The following MMS19 variants were observed in gnomAD, a reference collection of about 807,000 sequenced individuals.
The protein encoded by MMS19 is MMS19 nucleotide excision repair protein homolog.
In MMS19, 77 loss-of-function variants were observed where a neutral mutation model predicts 129.8. The observed-to-expected ratio is 0.59, with a 90% CI of 0.49 to 0.72. MMS19 has a LOEUF of 0.72. Among genes scored for constraint, MMS19 ranks in the 30% least tolerant of loss-of-function variants. MMS19 has a pLI of 0.00. For missense variants in MMS19, 1,168 were observed against 1,266.3 expected, an observed-to-expected ratio of 0.92 and a Z score of 1.18; for synonymous variants, 491 against 502.8, an observed-to-expected ratio of 0.98 and a Z score of 0.31.
intron 8 of MMS19, among the ~76,000 whole-genome samples, chr10:97,475,107 A>T (rs1189082385): frequency 6.6e-6 from 1 of 152,244 alleles, no homozygotes; most frequent in Non-Finnish European, 1.5e-5. Context: ...TTTCCGGCCA[A>T]AGGAATATTA....
Position 97,459,415 on chromosome 10 carries a change from GAA to G in MMS19, c.2849_2850del (p.Leu950ProfsTer15). 6.2e-7 allele frequency: 1 copy of G among 1,607,512 alleles called. No homozygotes were observed. The highest frequency in any genetic ancestry group is 8.5e-7 in the Non-Finnish European group (1 of 1,176,978). On this transcript the variant is annotated frameshift_variant, in exon 28 of 31. Transcript: ENST00000438925. LOFTEE classifies it high-confidence loss of function. Reference sequence around the variant, plus strand: ...AACTTGGTGACGAGGGTGTCCACGTGAAGACTCATGACTTGGGGTGCTTCCAG... The same window carrying G: ...AACTTGGTGACGAGGGTGTCCACGTGGACTCATGACTTGGGGTGCTTCCAG... ...LLLEAPQVMS[L>X]HVDTLVTKFL...
In MMS19 at chr10:97,461,620, C is replaced by T. The variant is rs1328647548; in HGVS notation, c.2187G>A (p.Val729=). 6.3e-7 allele frequency: 1 copy of T among 1,597,722 alleles called. No individual in the cohort carries two copies. Among genetic ancestry groups the T allele is most frequent in the Non-Finnish European group, 8.5e-7 (1 of 1,172,070 alleles). ...TGAGTTGGTTCAGCTGAGGGATTTC[C>T]ACCTACAGAAAACCTGGCCATGTAA... ...MAFVCSLPRN[V]EIPQLNQLMR... Residue 729 remains valine (V), a splice_region_variant and synonymous_variant, in exon 23 of 31, where the codon GTG becomes GTA. Coordinates refer to ENST00000438925, the MANE Select transcript of MMS19 (RefSeq NM_022362.5).
intron 1 of MMS19, among the ~76,000 whole-genome samples, chr10:97,497,124 C>T (rs561544399): frequency 1.3e-5 from 2 of 152,210 alleles, no homozygotes; most frequent in African/African-American, 4.8e-5. Context: ...CTCCTTGATG[C>T]TTCCAAACTA....
chr10:97,493,956 G>A lies in MMS19; in HGVS notation c.112+4317C>T, dbSNP rs569435613. Among the ~76,000 whole-genome samples the A allele has an allele frequency of 9.9e-5, 15 of 152,054 alleles. No individual in the cohort carries two copies. In the East Asian group the frequency reaches 1.4e-3, roughly 14 times the overall value. ...CTTGAACCTGGGGGGCAGAGGTTAC[G>A]GTCAGCAGAGATCGCACCATTGCAC... On this transcript the variant is annotated intron_variant, in intron 1 of 30. Coordinates refer to ENST00000438925, the MANE Select transcript of MMS19 (RefSeq NM_022362.5).
intron 8 of MMS19, among the ~76,000 whole-genome samples, chr10:97,474,173 CTCT>C (rs2035316279): frequency 6.6e-6 from 1 of 151,558 alleles, no homozygotes; most frequent in Non-Finnish European, 1.5e-5. Context: ...GTTTGCCAAC[CTCT>C]TCTTAGAGTG....
chr10:97,483,573 G>T (rs904978092), intron 2 of MMS19, among the ~76,000 whole-genome samples: 2 of 152,214 alleles, frequency 1.3e-5, no homozygotes, highest in African/African-American at 4.8e-5. Context: ...GAAATACGAG[G>T]AAAGTAGGCA....
intron 8 of MMS19, among the ~76,000 whole-genome samples, chr10:97,473,246 G>A (rs1323328081): frequency 6.6e-6 from 1 of 151,946 alleles, no homozygotes; most frequent in Non-Finnish European, 1.5e-5. Context: ...ATGTTGGTCA[G>A]GCTAGTCTCG....
At position 97,477,250 on chromosome 10, in the gene MMS19, C is replaced by T. The variant is rs540281750; in HGVS notation, c.493+97G>A. On this transcript the variant is annotated intron_variant, in intron 6 of 30. Transcript: ENST00000438925. The stretch of plus-strand genomic sequence containing the variant: ...TTATCATTCTCTCTCAGGATACCAG[C>T]TCTTCTATATAACCCCAGGTAAAAT... 47 of 1,595,528 alleles carry T rather than the reference C, an allele frequency of 2.9e-5. No homozygotes were observed. In the South Asian group the frequency reaches 4.8e-4, roughly 16 times the overall value.
At chr10:97,495,442 C>A (rs1399507897) in intron 1 of MMS19, among the ~76,000 whole-genome samples, 1 of 152,224 alleles carries the variant, frequency 6.6e-6, no homozygotes, top group Non-Finnish European at 1.5e-5. Context: ...GGCTGCTACT[C>A]TGAGTGACTG....
rs762933801 is a variant in MMS19, at chr10:97,480,975, G to T, written c.229C>A (p.Leu77Ile). 1 of 1,609,898 alleles carries T rather than the reference G, an allele frequency of 6.2e-7. No homozygotes were observed. Among genetic ancestry groups the T allele is most frequent in the Non-Finnish European group, 8.5e-7 (1 of 1,177,806 alleles). ...TCCAGGAGCAAGGTGTGACAGTGGA[G>T]TAGCACCTGTGACAAAAGCTGGATT... ...RAIQLLSQVL[L>I]HCHTLLLEKE... is the part of the protein sequence containing the mutation. Residue 77 changes from leucine (L) to isoleucine (I), a missense_variant, in exon 3 of 31, where the codon CTC becomes ATC. Coordinates refer to ENST00000438925, the MANE Select transcript of MMS19 (RefSeq NM_022362.5).
intron 12 of MMS19, 23 bp from the exon 13 acceptor site, chr10:97,468,429 AGCTGGGGAGGAGGCCAAATGGT>A: frequency 6.4e-6 from 10 of 1,574,306 alleles, no homozygotes; most frequent in Non-Finnish European, 8.7e-6. Context: ...CACATCACAG[AGCTGGGGAGGAGGCCAAATGGT>A]GCCTGACTCC....
chr10:97,479,819 C>A (rs1333497630), intron 3 of MMS19, among the ~76,000 whole-genome samples: 2 of 151,384 alleles, frequency 1.3e-5, no homozygotes, highest in Non-Finnish European at 2.9e-5. Flanking sequence ...CCCCAATAAA[C>A]CTTGAACAGT....
rs183956549 is a variant in MMS19, at chr10:97,477,784, T to C, written c.423+71A>G. On this transcript the variant is annotated intron_variant, in intron 5 of 30. Transcript: ENST00000438925. ...TTCAGAACTTAGAAGGCAATAATTT[T>C]TGCTATTGAATCCCAGTTATGTCAA... 7 of 1,073,174 alleles carry C rather than the reference T, an allele frequency of 6.5e-6. No individual in the cohort carries two copies. The East Asian group carries it at 1.8e-4, about 28-fold the overall frequency. 66.5% of individuals were successfully genotyped at this position (1,073,174 alleles called of 1,614,324 possible).
At chr10:97,479,471 G>A (rs891835317) in intron 3 of MMS19, among the ~76,000 whole-genome samples, 2 of 152,036 alleles carry the variant, frequency 1.3e-5, no homozygotes, top group Admixed American at 6.6e-5. Flanking sequence ...CCCAAACCCC[G>A]TAACAGCAGT....
At chr10:97,474,132 C>CA (rs780173105) in intron 8 of MMS19, among the ~76,000 whole-genome samples, 1,719 of 56,888 alleles carry the variant, frequency 0.03, 15 homozygotes, top group African/African-American at 0.047. Flanking sequence ...CAGCCTGCCT[C>CA]AAAAAAAAAA....
At chr10:97,478,015 A>G in intron 4 of MMS19, 86 bp from the exon 5 acceptor site, 1 of 839,218 alleles carries the variant, frequency 1.2e-6, no homozygotes, top group South Asian at 1.8e-5. Flanking sequence ...CTAATTAGCT[A>G]CTGTAAGAAT....
chr10:97,467,785 T>C (rs947121068), intron 13 of MMS19, among the ~76,000 whole-genome samples: 4 of 151,784 alleles, frequency 2.6e-5, no homozygotes, highest in African/African-American at 9.7e-5. Context: ...CGCCTCAGCC[T>C]CTTGAGTAGC....
At chr10:97,487,461 G>A (rs1172380730) in intron 1 of MMS19, among the ~76,000 whole-genome samples, 2 of 151,874 alleles carry the variant, frequency 1.3e-5, no homozygotes, top group African/African-American at 2.4e-5. Context: ...TGGGACTACA[G>A]GCGCCCACCA....
intron 1 of MMS19, among the ~76,000 whole-genome samples, chr10:97,488,340 G>C (rs1447903400): frequency 6.6e-6 from 1 of 152,136 alleles, no homozygotes; most frequent in Non-Finnish European, 1.5e-5. Context: ...TTGTAGGTAG[G>C]ATTATAAACT....
Sources: gnomAD v4.1 joint callset for allele counts (sites outside exome capture counted in the v4.1 genomes callset) on GRCh38, gnomAD v4.1.1 for gene constraint, MANE v1.5 for transcripts, NCBI Gene and HGNC (gene_info 2026-07-23, HGNC 2026-07-21) for gene names.